The following ENTPD4 variants were observed in gnomAD, a reference collection of about 807,000 sequenced individuals.
ENTPD4 encodes ectonucleoside triphosphate diphosphohydrolase 4.
ENTPD4 carries 60 observed loss-of-function variants against 79.1 expected under a neutral mutation model. That is an observed-to-expected ratio of 0.76 (90% CI 0.62 to 0.94). ENTPD4 has a LOEUF of 0.94. Ranked by LOEUF, ENTPD4 falls within the 40% of genes least tolerant of loss-of-function variation. The probability of loss-of-function intolerance (pLI) is 0.00; values close to 1 mark genes in which losing one functional copy is unlikely to be tolerated. For missense variants in ENTPD4, 772 were observed against 775.1 expected, an observed-to-expected ratio of 1.00 and a Z score of 0.05; for synonymous variants, 276 against 292.0, an observed-to-expected ratio of 0.95 and a Z score of 0.56.
Position 23,432,811 on chromosome 8 carries a change from T to G in ENTPD4, c.*115A>C. The G allele has an allele frequency of 6.9e-7, 1 of 1,445,468 alleles. No individual in the cohort carries two copies. The allele number at this position is 1,445,468 out of a possible 1,614,324, so 89.5% of individuals were successfully genotyped here. ...CCGCGCTCGGCCTGCATTTTGTTTT[T>G]GTTTGGAGGAACAAAAAAGGGAAAG... On this transcript the variant is annotated 3_prime_UTR_variant, in exon 13 of 13. Coordinates refer to ENST00000358689, the MANE Select transcript of ENTPD4 (RefSeq NM_004901.5).
intron 1 of ENTPD4, among the ~76,000 whole-genome samples, chr8:23,456,776 T>A (rs947207886): frequency 3.3e-5 from 5 of 152,236 alleles, no homozygotes; most frequent in Non-Finnish European, 7.3e-5. Context: ...AATTTGGTAT[T>A]TTCATCACAA....
intron 3 of ENTPD4, 116 bp from the exon 4 acceptor site, chr8:23,448,001 T>C: frequency 2.7e-6 from 2 of 740,882 alleles, no homozygotes; most frequent in Middle Eastern, 3.2e-4. Context: ...GCAGCACCAC[T>C]ATAACATCAA....
chr8:23,457,213 C>G (rs1312170226), intron 1 of ENTPD4, among the ~76,000 whole-genome samples: 1 of 152,192 alleles, frequency 6.6e-6, no homozygotes, highest in African/African-American at 2.4e-5. Context: ...GGCTGGGTCC[C>G]GGGTGCAGCA....
At chr8:23,451,899 T>C (rs2117306988) in intron 1 of ENTPD4, among the ~76,000 whole-genome samples, 1 of 152,352 alleles carries the variant, frequency 6.6e-6, no homozygotes, top group Non-Finnish European at 1.5e-5. Flanking sequence ...TTCCCTTCCC[T>C]GATTGATCTT....
In ENTPD4 at chr8:23,445,373, G is replaced by A. The variant is rs544822098; in HGVS notation, c.413-767C>T. 6.6e-5 allele frequency among the ~76,000 whole-genome samples: 10 copies of A among 152,090 alleles called. No individual in the cohort carries two copies. The South Asian group carries it at 1.5e-3, about 22-fold the overall frequency. On this transcript the variant is annotated intron_variant, in intron 4 of 12. Coordinates refer to ENST00000358689, the MANE Select transcript of ENTPD4 (RefSeq NM_004901.5). Reference sequence around the variant, plus strand: ...CTCTTCAGGCTTCCAATTCTTTTGTGGCTCAATGTCCTCCAGGTAAGGCTC... The same window carrying A: ...CTCTTCAGGCTTCCAATTCTTTTGTAGCTCAATGTCCTCCAGGTAAGGCTC...
At position 23,432,818 on chromosome 8, in the gene ENTPD4, AG is replaced by A; in HGVS notation, c.*107del. 1 of 1,446,730 alleles carries A rather than the reference AG, an allele frequency of 6.9e-7. No homozygotes were observed. Among genetic ancestry groups the A allele is most frequent in the South Asian group, 1.5e-5 (1 of 67,548 alleles). 89.6% of individuals were successfully genotyped at this position (1,446,730 alleles called of 1,614,324 possible). ...CGGCCTGCATTTTGTTTTTGTTTGGAGGAACAAAAAAGGGAAAGAAAAAACA... is the reference window on the plus strand; with the variant it reads ...CGGCCTGCATTTTGTTTTTGTTTGGAGAACAAAAAAGGGAAAGAAAAAACA... On this transcript the variant is annotated 3_prime_UTR_variant, in exon 13 of 13. Transcript: ENST00000358689.
At chr8:23,433,621 G>A (rs1249559968) in intron 12 of ENTPD4, among the ~76,000 whole-genome samples, 2 of 152,162 alleles carry the variant, frequency 1.3e-5, no homozygotes, top group South Asian at 2.1e-4. Flanking sequence ...ATCTGCAAAC[G>A]TGAATGGGGA....
In ENTPD4 at chr8:23,432,170, A is replaced by T. The variant is rs1800466534; in HGVS notation, c.*756T>A. On this transcript the variant is annotated 3_prime_UTR_variant, in exon 13 of 13. Coordinates refer to ENST00000358689, the MANE Select transcript of ENTPD4 (RefSeq NM_004901.5). ...AGTAACAGACCTGAACAATAAATAAAAAAAAAAATCACCCTCTTCAGGTTA... is the reference window on the plus strand; with the variant it reads ...AGTAACAGACCTGAACAATAAATAATAAAAAAAATCACCCTCTTCAGGTTA... 6.1e-6 allele frequency: 6 copies of T among 984,484 alleles called. No individual in the cohort carries two copies. The highest frequency in any genetic ancestry group is 7.2e-6 in the Non-Finnish European group (6 of 829,236). The allele number at this position is 984,484 out of a possible 1,614,324, so 61.0% of individuals were successfully genotyped here.
chr8:23,443,757 C>A, intron 6 of ENTPD4, 93 bp downstream of exon 6: 2 of 695,330 alleles, frequency 2.9e-6, no homozygotes, highest in Non-Finnish European at 2.6e-6. Context: ...AATGTTAAGA[C>A]AATAGGAGTA....
chr8:23,441,723 TC>T lies in ENTPD4; in HGVS notation c.728-1del. 3 of 1,613,870 alleles carry T rather than the reference TC, an allele frequency of 1.9e-6. No individual in the cohort carries two copies. The highest frequency in any genetic ancestry group is 2.5e-6 in the Non-Finnish European group (3 of 1,179,984). On this transcript the variant is annotated splice_acceptor_variant, in intron 7 of 12. Coordinates refer to ENST00000358689, the MANE Select transcript of ENTPD4 (RefSeq NM_004901.5). LOFTEE classifies it high-confidence loss of function. ...GTTAACTTCCACAACGGCCTCATCA[TC>T]TAGAAAGAACAGAAAGTGTTCACTG...
chr8:23,440,764 C>G (rs528930272), intron 8 of ENTPD4, among the ~76,000 whole-genome samples: 1 of 152,104 alleles, frequency 6.6e-6, no homozygotes, highest in East Asian at 1.9e-4. Context: ...TTCTAATAAC[C>G]CCATGTTGTA....
In ENTPD4 at chr8:23,433,139, C is replaced by G. The variant is rs768362885; in HGVS notation, c.1638G>C (p.Glu546Asp). 5 of 1,614,130 alleles carry G rather than the reference C, an allele frequency of 3.1e-6. No homozygotes were observed. Among genetic ancestry groups the G allele is most frequent in the Middle Eastern group, 3.3e-4 (2 of 6,062 alleles). Residue 546 changes from glutamate (E) to aspartate (D), a missense_variant, in exon 13 of 13, where the codon GAG (glutamate) becomes GAC (aspartate). Glu to Asp is a conservative substitution (Grantham distance 45). Transcript: ENST00000358689. ...AGTGGGTGTGACTGGCTCGGAAGGC[C>G]TCCTGCTGGATGTCTCTGCCCATGT... ...RFLPLRDIQQ[E>D]AFRASHTHWR...
At chr8:23,435,317 G>T in intron 11 of ENTPD4, 75 bp downstream of exon 11, 1 of 990,946 alleles carries the variant, frequency 1.0e-6, no homozygotes, top group Non-Finnish European at 1.6e-6. Context: ...TGAGGCCAGG[G>T]TGTGGCAAGC....
chr8:23,449,748 C>G lies in ENTPD4; in HGVS notation c.8+145G>C, dbSNP rs1209458982. ...GTGCTTCATGCATTAAAATACCTCA[C>G]TGGGCCCTGGAAGAAAAAAGGTCTT... is the stretch of plus-strand genomic sequence containing the variant. On this transcript the variant is annotated intron_variant, in intron 2 of 12. Coordinates refer to ENST00000358689, the MANE Select transcript of ENTPD4 (RefSeq NM_004901.5). The G allele has an allele frequency of 7.0e-6, 5 of 712,062 alleles. No homozygotes were observed. The African/African-American group carries it at 8.8e-5, about 12-fold the overall frequency. 44.1% of individuals were successfully genotyped at this position (712,062 alleles called of 1,614,324 possible). A position where few individuals can be genotyped will look rare whatever the true frequency, so the allele number is the denominator to read the frequency against.
In ENTPD4 at chr8:23,430,750, C is replaced by A. The variant is rs908313141; in HGVS notation, c.*2176G>T. ...CCCTAACTCCCTGGGTGCCCACCTGCCCACTTCAACCATTTGTGGCCCCTT... is the reference window on the plus strand; with the variant it reads ...CCCTAACTCCCTGGGTGCCCACCTGACCACTTCAACCATTTGTGGCCCCTT... On this transcript the variant is annotated 3_prime_UTR_variant, in exon 13 of 13. Transcript: ENST00000358689. The A allele has an allele frequency of 1.6e-5, 16 of 985,544 alleles. No individual in the cohort carries two copies. The highest frequency in any genetic ancestry group is 1.9e-5 in the Non-Finnish European group (16 of 830,140). The allele number at this position is 985,544 out of a possible 1,614,324, so 61.0% of individuals were successfully genotyped here. A position where few individuals can be genotyped will look rare whatever the true frequency, so the allele number is the denominator to read the frequency against.
In ENTPD4 at chr8:23,447,985, T is replaced by C. The variant is rs1290853826; in HGVS notation, c.207-100A>G. The stretch of plus-strand genomic sequence containing the variant: ...AATACCAAGTCAGTAATTTCTAAGC[T>C]ATGTAGCAGCACCACTATAACATCA... On this transcript the variant is annotated intron_variant, in intron 3 of 12. Coordinates refer to ENST00000358689, the MANE Select transcript of ENTPD4 (RefSeq NM_004901.5). The C allele has an allele frequency of 4.5e-6, 4 of 896,168 alleles. No homozygotes were observed. The Admixed American group carries it at 5.7e-5, about 13-fold the overall frequency. The allele number at this position is 896,168 out of a possible 1,614,324, so 55.5% of individuals were successfully genotyped here.
intron 3 of ENTPD4, among the ~76,000 whole-genome samples, chr8:23,448,163 T>G (rs976888078): frequency 6.6e-6 from 1 of 152,212 alleles, no homozygotes; most frequent in African/African-American, 2.4e-5. Context: ...AAAAATCAGC[T>G]TAAAACATAT....
In ENTPD4 at chr8:23,432,555, G is replaced by A; in HGVS notation, c.*371C>T. ...ACTCTGTCGCCCAGGCTGGAGTGCAGTGGTGTGATCTCGGCTCACTGCAAG... is the reference window on the plus strand; with the variant it reads ...ACTCTGTCGCCCAGGCTGGAGTGCAATGGTGTGATCTCGGCTCACTGCAAG... On this transcript the variant is annotated 3_prime_UTR_variant, in exon 13 of 13. Coordinates refer to ENST00000358689, the MANE Select transcript of ENTPD4 (RefSeq NM_004901.5). 1.2e-6 allele frequency: 1 copy of A among 859,254 alleles called. No homozygotes were observed. The highest frequency in any genetic ancestry group is 1.4e-6 in the Non-Finnish European group (1 of 709,044). 53.2% of individuals were successfully genotyped at this position (859,254 alleles called of 1,614,324 possible). A position where few individuals can be genotyped will look rare whatever the true frequency, so the allele number is the denominator to read the frequency against.
intron 5 of ENTPD4, 44 bp downstream of exon 5, chr8:23,444,412 C>T (rs753263066): frequency 6.9e-6 from 11 of 1,588,506 alleles, no homozygotes; most frequent in African/African-American, 6.7e-5. Flanking sequence ...CCCCTCTCCC[C>T]TCCAGGAACC....
Sources: allele counts gnomAD v4.1 joint callset (sites outside exome capture counted in the v4.1 genomes callset), GRCh38; gene constraint gnomAD v4.1.1; transcripts MANE v1.5; gene names NCBI Gene and HGNC (gene_info 2026-07-23, HGNC 2026-07-21).